The following SPAG16 variants were observed in gnomAD, a reference collection of about 807,000 sequenced individuals.
SPAG16 encodes sperm-associated antigen 16 protein.
In SPAG16, 86 loss-of-function variants were observed where a neutral mutation model predicts 80.4. The observed-to-expected ratio is 1.07, with a 90% confidence interval of 0.90 to 1.28. The LOEUF is 1.28. Ranked by LOEUF, SPAG16 falls within the 50% of genes most tolerant of loss-of-function variation. The pLI is 0.00. For missense variants in SPAG16, 870 were observed against 765.3 expected (o/e 1.14, Z -1.61); for synonymous variants, 294 against 265.9 (o/e 1.11, Z -1.03).
chr2:214,037,948 T>C (rs972073952), intron 13 of SPAG16, among the ~76,000 whole-genome samples: 3 of 150,892 alleles, frequency 2.0e-5, no homozygotes, highest in East Asian at 2.0e-4. Context: ...TTCTGAATTA[T>C]TTTGCATATG....
chr2:213,350,676 G>T (rs769810423), intron 7 of SPAG16, 31 bp downstream of exon 7: 20 of 1,251,288 alleles, frequency 1.6e-5, no homozygotes, highest in Non-Finnish European at 1.6e-5. Context: ...AACTTAAAAT[G>T]ATCTTTTAAT....
At chr2:214,290,528 T>C (rs1338082968) in intron 15 of SPAG16, among the ~76,000 whole-genome samples, 1 of 152,190 alleles carries the variant, frequency 6.6e-6, no homozygotes, top group Admixed American at 6.5e-5. Context: ...TAAATGTCCC[T>C]TTTAGCACTG....
chr2:213,914,733 A>G lies in SPAG16; in HGVS notation c.1215-15227A>G, dbSNP rs190138100. ...TATCAGCATATTTGTATACTGATCG[A>G]TGAGTGATATTGATCTTTATTTCAT... On this transcript the variant is annotated intron_variant, in intron 11 of 15. Transcript: ENST00000331683. 4.1e-4 allele frequency among the ~76,000 whole-genome samples: 63 copies of G among 152,298 alleles called. 1 individual carries two copies. Among genetic ancestry groups the G allele is most frequent in the East Asian group, 1.3e-3 (7 of 5,188 alleles).
intron 10 of SPAG16, among the ~76,000 whole-genome samples, chr2:213,576,161 A>G (rs946821020): frequency 1.6e-4 from 24 of 152,124 alleles, no homozygotes; most frequent in African/African-American, 4.8e-4. Flanking sequence ...ATATTCCAGC[A>G]CCATTTATTG....
At chr2:213,596,853 T>A (rs1234082303) in intron 10 of SPAG16, among the ~76,000 whole-genome samples, 1 of 152,130 alleles carries the variant, frequency 6.6e-6, no homozygotes, top group African/African-American at 2.4e-5. Flanking sequence ...CAAGCAAACT[T>A]CTGATTATTT....
chr2:213,780,271 C>T (rs190466578), intron 10 of SPAG16, among the ~76,000 whole-genome samples: 73 of 152,276 alleles, frequency 4.8e-4, no homozygotes, highest in African/African-American at 1.5e-3. Context: ...ATCACATTTG[C>T]CACATGATGT....
chr2:213,850,417 A>G lies in SPAG16; in HGVS notation c.1071-12068A>G, dbSNP rs143399507. On this transcript the variant is annotated intron_variant, in intron 10 of 15. Transcript: ENST00000331683. ...AGCTAAAATCCAGGGAAAACTGTCT[A>G]TGTTTAGATTTGATGAAGAATGGAC... is the stretch of plus-strand genomic sequence containing the variant. Among the ~76,000 whole-genome samples, 39 of 152,340 alleles carry G rather than the reference A, an allele frequency of 2.6e-4. 1 individual carries two copies. The East Asian group carries it at 6.9e-3, about 27-fold the overall frequency.
At chr2:213,440,150 A>G (rs1426963984) in intron 9 of SPAG16, among the ~76,000 whole-genome samples, 1 of 152,186 alleles carries the variant, frequency 6.6e-6, no homozygotes, top group Non-Finnish European at 1.5e-5. Flanking sequence ...CCTACAATTT[A>G]ATTCCATGGG....
chr2:214,370,056 G>A (rs1574424998), intron 15 of SPAG16, among the ~76,000 whole-genome samples: 1 of 152,066 alleles, frequency 6.6e-6, no homozygotes, highest in Non-Finnish European at 1.5e-5. Context: ...TATCTCTGCA[G>A]TTTCCCACAA....
chr2:213,445,778 TATATTATCAAAAAGACAAAA>T (rs2071269824), intron 9 of SPAG16, among the ~76,000 whole-genome samples: 1 of 152,216 alleles, frequency 6.6e-6, no homozygotes, highest in Admixed American at 6.5e-5. Flanking sequence ...AAATGGCTTT[TATATTATCAAAAAGACAAAA>T]ATAAGTGCTG....
chr2:214,176,443 C>G (rs751159548), intron 15 of SPAG16, among the ~76,000 whole-genome samples: 1 of 151,204 alleles, frequency 6.6e-6, no homozygotes, highest in Non-Finnish European at 1.5e-5. Context: ...CTTATCTGTT[C>G]ACTCTATCCT....
intron 12 of SPAG16, among the ~76,000 whole-genome samples, chr2:214,012,502 G>T (rs2047363135): frequency 6.6e-6 from 1 of 151,100 alleles, no homozygotes; most frequent in South Asian, 2.1e-4. Flanking sequence ...CACCATGTTG[G>T]TCAGGCTGGT....
chr2:213,492,959 C>G (rs745742716), intron 10 of SPAG16, among the ~76,000 whole-genome samples: 2 of 152,292 alleles, frequency 1.3e-5, no homozygotes, highest in Admixed American at 6.5e-5. Flanking sequence ...CTCTCTCTCT[C>G]TCGTTTCTCC....
intron 10 of SPAG16, among the ~76,000 whole-genome samples, chr2:213,778,882 C>T (rs889636436): frequency 6.6e-6 from 1 of 152,126 alleles, no homozygotes; most frequent in Non-Finnish European, 1.5e-5. Flanking sequence ...CCTTCTTTGG[C>T]CCCTTAATTA....
At chr2:213,392,710 G>A (rs1326823024) in intron 9 of SPAG16, among the ~76,000 whole-genome samples, 1 of 152,024 alleles carries the variant, frequency 6.6e-6, no homozygotes, top group African/African-American at 2.4e-5. Context: ...AGCCAGGCGT[G>A]GTGGCGGGTG....
At chr2:214,236,350 G>A (rs1471655873) in intron 15 of SPAG16, among the ~76,000 whole-genome samples, 1 of 152,148 alleles carries the variant, frequency 6.6e-6, no homozygotes, top group Non-Finnish European at 1.5e-5. Context: ...TATGAATACA[G>A]TTTTTAAGGG....
intron 10 of SPAG16, among the ~76,000 whole-genome samples, chr2:213,514,076 T>C (rs1217106825): frequency 6.6e-6 from 1 of 152,124 alleles, no homozygotes; most frequent in Non-Finnish European, 1.5e-5. Context: ...CAGAATGGTA[T>C]CACAGAACAA....
chr2:214,376,550 T>C (rs747091728), intron 15 of SPAG16, among the ~76,000 whole-genome samples: 50 of 152,082 alleles, frequency 3.3e-4, no homozygotes, highest in Admixed American at 1.4e-3. Flanking sequence ...AATTGTTTGG[T>C]TTGACACTAT....
intron 13 of SPAG16, among the ~76,000 whole-genome samples, chr2:214,019,307 A>G (rs1410878711): frequency 2.0e-5 from 3 of 152,086 alleles, no homozygotes; most frequent in Non-Finnish European, 4.4e-5. Context: ...AATGTTTTCA[A>G]TATACAGTAA....
Sources: allele counts gnomAD v4.1 joint callset (sites outside exome capture counted in the v4.1 genomes callset), GRCh38; gene constraint gnomAD v4.1.1; transcripts MANE v1.5; gene names NCBI Gene and HGNC (gene_info 2026-07-23, HGNC 2026-07-21).